LANCL3: variants seen among roughly 807,000 people sequenced by gnomAD.
LANCL3 encodes the protein LanC like family member 3.
A neutral mutation model predicts 26.5 loss-of-function variants in LANCL3; 19 were observed. That is an observed-to-expected ratio of 0.72 (90% CI 0.50 to 1.05). LANCL3 has a LOEUF of 1.05. LANCL3 is among the 50% of genes least tolerant of loss of function. LANCL3 has a pLI of 0.00. For synonymous variants in LANCL3, 160 were observed against 166.6 expected, an observed-to-expected ratio of 0.96 and a Z score of 0.30; for missense variants, 318 against 362.7, an observed-to-expected ratio of 0.88 and a Z score of 1.00.
At chrX:37,598,911 G>T (rs1032135892) in intron 1 of LANCL3, among the ~76,000 whole-genome samples, 4 of 112,450 alleles carry the variant, frequency 3.6e-5, no homozygotes, top group Non-Finnish European at 5.6e-5. Context: ...CACAGACCAC[G>T]AGAGTCACGT....
chrX:37,636,147 A>G (rs782213157), intron 1 of LANCL3, among the ~76,000 whole-genome samples: 2 of 112,217 alleles, frequency 1.8e-5, no homozygotes, highest in South Asian at 7.5e-4. Context: ...ACATGATCTC[A>G]TTCTTTTCAT....
At chrX:37,631,136 A>G (rs187609176) in intron 1 of LANCL3, among the ~76,000 whole-genome samples, 3 of 111,777 alleles carry the variant, frequency 2.7e-5, no homozygotes, top group East Asian at 2.8e-4. Flanking sequence ...AGATCCTGTT[A>G]TTGTTCTATT....
chrX:37,585,557 T>C (rs1290886174), intron 1 of LANCL3, among the ~76,000 whole-genome samples: 1 of 112,209 alleles, frequency 8.9e-6, no homozygotes, highest in Non-Finnish European at 1.9e-5. Context: ...GTAATGCCTT[T>C]CTTTGTCTCT....
intron 1 of LANCL3, among the ~76,000 whole-genome samples, chrX:37,609,331 TA>T (rs1556420863): frequency 1.8e-5 from 2 of 111,536 alleles, no homozygotes; most frequent in East Asian, 5.6e-4. Flanking sequence ...AAGGGGAGAA[TA>T]AAACTTAAAT....
At chrX:37,657,108 G>A (rs1287669491) in intron 2 of LANCL3, among the ~76,000 whole-genome samples, 2 of 112,574 alleles carry the variant, frequency 1.8e-5, no homozygotes, top group African/African-American at 6.4e-5. Flanking sequence ...CAAGGGGTGA[G>A]GAAGCTGGGG....
At chrX:37,639,360 A>G (rs1344709818) in intron 1 of LANCL3, among the ~76,000 whole-genome samples, 1 of 106,260 alleles carries the variant, frequency 9.4e-6, no homozygotes, top group Non-Finnish European at 1.9e-5. Flanking sequence ...GTTCCTTCAC[A>G]TTGTAATTGA....
At chrX:37,594,891 A>T (rs1274299625) in intron 1 of LANCL3, among the ~76,000 whole-genome samples, 1 of 111,867 alleles carries the variant, frequency 8.9e-6, no homozygotes, top group Non-Finnish European at 1.9e-5. Context: ...AAGGACTGGT[A>T]GTGCAATGCT....
chrX:37,649,998 TG>T (rs1292926202), intron 1 of LANCL3, among the ~76,000 whole-genome samples: 4 of 110,906 alleles, frequency 3.6e-5, no homozygotes, highest in Non-Finnish European at 5.7e-5. Flanking sequence ...TGTAATCCAC[TG>T]GGGAGCTTAA....
intron 1 of LANCL3, among the ~76,000 whole-genome samples, chrX:37,649,387 A>C (rs1279005658): frequency 9.0e-6 from 1 of 110,820 alleles, no homozygotes; most frequent in Non-Finnish European, 1.9e-5. Context: ...TCTCACTCAT[A>C]AGTGGGAGTT....
intron 3 of LANCL3, among the ~76,000 whole-genome samples, chrX:37,666,976 A>G (rs1157786083): frequency 1.8e-5 from 2 of 112,286 alleles, no homozygotes; most frequent in East Asian, 5.6e-4. Flanking sequence ...CAATCTATGT[A>G]CGTCAATAAA....
chrX:37,577,025 C>G (rs1344012154), intron 1 of LANCL3, among the ~76,000 whole-genome samples: 2 of 111,855 alleles, frequency 1.8e-5, no homozygotes, highest in Admixed American at 1.9e-4. Flanking sequence ...TCCTGGAGGC[C>G]CAAGTTAGTC....
chrX:37,646,853 T>G (rs950071763), intron 1 of LANCL3, among the ~76,000 whole-genome samples: 26 of 111,576 alleles, frequency 2.3e-4, no homozygotes, highest in African/African-American at 8.2e-4. Flanking sequence ...CTTGGCATGA[T>G]GGGATGGAGG....
At chrX:37,574,467 C>G (rs1232808497) in intron 1 of LANCL3, among the ~76,000 whole-genome samples, 1 of 111,940 alleles carries the variant, frequency 8.9e-6, no homozygotes, top group Non-Finnish European at 1.9e-5. Flanking sequence ...CATTACTGGG[C>G]ACATCTTTGC....
Position 37,677,086 on chromosome X carries a change from T to C in LANCL3, c.*1273T>C, listed in dbSNP as rs782331427. ...TGCATATATCAGATTGAGTAGGAAA[T>C]TGTGTACTGTATAAGACTTATTTAA... On this transcript the variant is annotated 3_prime_UTR_variant, in exon 5 of 5. Transcript: ENST00000378619. 1 of 111,030 alleles carries C rather than the reference T, an allele frequency of 9.0e-6. No homozygotes were observed. The highest frequency in any genetic ancestry group is 1.9e-5 in the Non-Finnish European group (1 of 52,956). The allele number at this position is 111,030 out of a possible 1,213,427, so 9.2% of individuals were successfully genotyped here. A position where few individuals can be genotyped will look rare whatever the true frequency, so the allele number is the denominator to read the frequency against.
intron 3 of LANCL3, among the ~76,000 whole-genome samples, chrX:37,666,072 G>A (rs991783832): frequency 5.4e-5 from 6 of 112,001 alleles, no homozygotes; most frequent in Non-Finnish European, 1.1e-4. Flanking sequence ...TGCTTTGTAA[G>A]TATTAACCAC....
intron 1 of LANCL3, among the ~76,000 whole-genome samples, chrX:37,631,176 T>C (rs1378264102): frequency 8.9e-6 from 1 of 112,010 alleles, no homozygotes; most frequent in African/African-American, 3.2e-5. Flanking sequence ...TGGTTTATTG[T>C]TGGGAGGGTG....
At chrX:37,620,284 T>C (rs1556422142) in intron 1 of LANCL3, among the ~76,000 whole-genome samples, 1 of 111,907 alleles carries the variant, frequency 8.9e-6, no homozygotes. Flanking sequence ...AGTTGACTTC[T>C]AGAGTGAAAT....
intron 2 of LANCL3, 120 bp downstream of exon 2, chrX:37,655,931 C>T: frequency 3.4e-6 from 2 of 595,901 alleles, no homozygotes; most frequent in Non-Finnish European, 5.1e-6. Context: ...ATAAGAAATA[C>T]TTTAAAATTT....
At chrX:37,664,995 C>T (rs782199356) in intron 3 of LANCL3, among the ~76,000 whole-genome samples, 2 of 111,618 alleles carry the variant, frequency 1.8e-5, no homozygotes, top group Non-Finnish European at 3.8e-5. Flanking sequence ...GTGTTTGCTA[C>T]TGTGAATAGT....
Sources: allele counts gnomAD v4.1 joint callset (sites outside exome capture counted in the v4.1 genomes callset), GRCh38; gene constraint gnomAD v4.1.1; transcripts MANE v1.5; gene names NCBI Gene and HGNC (gene_info 2026-07-23, HGNC 2026-07-21).